SAMD5: variants seen among roughly 807,000 people sequenced by gnomAD.
The protein encoded by SAMD5 is sterile alpha motif domain-containing protein 5.
Under a neutral mutation model 11.3 loss-of-function variants are expected in SAMD5, and 13 were observed. The observed-to-expected ratio is 1.15, with a 90% CI of 0.75 to 1.83. The LOEUF (loss-of-function observed/expected upper bound fraction) is 1.83, where lower values mean the gene tolerates loss of function less well. Among genes scored for constraint, SAMD5 ranks in the 40% most tolerant of loss-of-function variants. The probability of loss-of-function intolerance (pLI) is 0.00; values close to 1 mark genes in which losing one functional copy is unlikely to be tolerated. For missense variants in SAMD5, 255 were observed against 239.1 expected, an observed-to-expected ratio of 1.07 and a Z score of -0.44; for synonymous variants, 129 against 111.3, an observed-to-expected ratio of 1.16 and a Z score of -1.00.
chr6:147,841,896 C>T, the SAMD5 span, among the ~76,000 whole-genome samples: 1,011 of 152,266 alleles, frequency 6.6e-3, 10 homozygotes, highest in African/African-American at 0.023. Flanking sequence ...AGACAATGAA[C>T]ATGGCTCCAG....
chr6:147,733,976 C>T (rs996848609), intron 1 of SAMD5, among the ~76,000 whole-genome samples: 2 of 152,042 alleles, frequency 1.3e-5, no homozygotes, highest in Non-Finnish European at 1.5e-5. Context: ...GGACAGGATC[C>T]GAAATAAGGA....
intron 1 of SAMD5, among the ~76,000 whole-genome samples, chr6:147,616,838 T>A (rs150901191): frequency 6.6e-6 from 1 of 152,272 alleles, no homozygotes; most frequent in Non-Finnish European, 1.5e-5. Flanking sequence ...ACCATCAGAT[T>A]TTGTGAGAAC....
chr6:147,565,841 C>G lies in SAMD5; in HGVS notation c.*1385C>G. 1 of 985,344 alleles carries G rather than the reference C, an allele frequency of 1.0e-6. No individual in the cohort carries two copies. The highest frequency in any genetic ancestry group is 1.2e-6 in the Non-Finnish European group (1 of 829,906). 61.0% of individuals were successfully genotyped at this position (985,344 alleles called of 1,614,324 possible). ...AAAACTTAGTTGAAAGAAGCCATGG[C>G]AAAAGATGTTGACGTACAACTGGCT... On this transcript the variant is annotated 3_prime_UTR_variant, in exon 2 of 2. Coordinates refer to ENST00000367474, the MANE Select transcript of SAMD5 (RefSeq NM_001030060.3).
chr6:147,690,392 G>A (rs759289981), intron 1 of SAMD5, among the ~76,000 whole-genome samples: 2 of 152,150 alleles, frequency 1.3e-5, no homozygotes, highest in African/African-American at 2.4e-5. Context: ...GGGAGTGGTG[G>A]CTCATGCCCA....
intron 1 of SAMD5, among the ~76,000 whole-genome samples, chr6:147,727,702 C>A (rs1417477807): frequency 6.6e-6 from 1 of 151,866 alleles, no homozygotes; most frequent in Non-Finnish European, 1.5e-5. Context: ...TGCTGAAGAC[C>A]CACCAGAGTC....
chr6:147,558,821 C>T (rs1177413894), intron 1 of SAMD5, among the ~76,000 whole-genome samples: 1 of 152,162 alleles, frequency 6.6e-6, no homozygotes, highest in Non-Finnish European at 1.5e-5. Flanking sequence ...TCTACTCCGA[C>T]CCAGGTGATA....
chr6:147,692,293 C>T (rs1791115301), intron 1 of SAMD5: 1 of 152,166 alleles, frequency 6.6e-6, no homozygotes, highest in African/African-American at 2.4e-5. Flanking sequence ...TTAAATCCCT[C>T]ATGATGCAAT....
chr6:147,811,498 T>A, the SAMD5 span, among the ~76,000 whole-genome samples: 4 of 152,102 alleles, frequency 2.6e-5, no homozygotes, highest in Non-Finnish European at 4.4e-5. Context: ...ACAGTAGCAG[T>A]GCTTTAGGGA....
chr6:147,823,622 A>G, the SAMD5 span, among the ~76,000 whole-genome samples: 3 of 152,184 alleles, frequency 2.0e-5, no homozygotes, highest in Non-Finnish European at 4.4e-5. Flanking sequence ...AACTTAAAGT[A>G]AAATAAAATA....
chr6:147,634,729 A>G (rs893901968), intron 1 of SAMD5, among the ~76,000 whole-genome samples: 2 of 152,324 alleles, frequency 1.3e-5, no homozygotes, highest in South Asian at 4.1e-4. Context: ...TGCAGCACCT[A>G]CAACATAATA....
the SAMD5 span, among the ~76,000 whole-genome samples, chr6:147,952,676 A>AT: frequency 1.3e-5 from 2 of 151,760 alleles, no homozygotes. Flanking sequence ...ACACCCGCGA[A>AT]TTTTTTTTGT....
intron 1 of SAMD5, among the ~76,000 whole-genome samples, chr6:147,649,402 A>G (rs1359045090): frequency 2.6e-5 from 4 of 152,238 alleles, no homozygotes; most frequent in Admixed American, 6.5e-5. Flanking sequence ...TAGAAAATTC[A>G]CATGAAATGA....
At chr6:147,884,824 T>C in the SAMD5 span, among the ~76,000 whole-genome samples, 2 of 152,180 alleles carry the variant, frequency 1.3e-5, no homozygotes, top group Admixed American at 6.5e-5. Context: ...TGACAGCACC[T>C]AAATATAACT....
chr6:147,753,811 C>A, the SAMD5 span, among the ~76,000 whole-genome samples: 1 of 151,790 alleles, frequency 6.6e-6, no homozygotes, highest in African/African-American at 2.4e-5. Context: ...ACATATTTGT[C>A]TTTTTGTGCC....
At chr6:147,869,624 A>T in the SAMD5 span, among the ~76,000 whole-genome samples, 1 of 152,140 alleles carries the variant, frequency 6.6e-6, no homozygotes, top group African/African-American at 2.4e-5. Flanking sequence ...CAATTTAAAA[A>T]GTAAAAAACA....
intron 1 of SAMD5, among the ~76,000 whole-genome samples, chr6:147,619,265 T>C (rs1326346598): frequency 6.6e-6 from 1 of 152,234 alleles, no homozygotes; most frequent in Admixed American, 6.5e-5. Flanking sequence ...GTATTTGAAA[T>C]GAATTATTGA....
At chr6:147,639,396 T>G (rs1324539792) in intron 1 of SAMD5, among the ~76,000 whole-genome samples, 2 of 152,252 alleles carry the variant, frequency 1.3e-5, no homozygotes, top group African/African-American at 4.8e-5. Flanking sequence ...TTTATGCATG[T>G]GAATGGTATT....
At chr6:147,523,741 G>A (rs1011334696) in intron 1 of SAMD5, among the ~76,000 whole-genome samples, 1 of 152,138 alleles carries the variant, frequency 6.6e-6, no homozygotes, top group African/African-American at 2.4e-5. Context: ...AGGTTAAGGG[G>A]CAAAACGTGA....
At chr6:147,600,236 A>G (rs1414253308) in intron 1 of SAMD5, among the ~76,000 whole-genome samples, 2 of 152,130 alleles carry the variant, frequency 1.3e-5, no homozygotes, top group Non-Finnish European at 1.5e-5. Flanking sequence ...AGGAACTGTA[A>G]TGACTTCTGC....
Sources: allele counts gnomAD v4.1 joint callset (sites outside exome capture counted in the v4.1 genomes callset), GRCh38; gene constraint gnomAD v4.1.1; transcripts MANE v1.5; gene names NCBI Gene and HGNC (gene_info 2026-07-23, HGNC 2026-07-21).